ZDHHC14: variants seen among roughly 807,000 people sequenced by gnomAD.
ZDHHC14 encodes palmitoyltransferase ZDHHC14.
Under a neutral mutation model 47.7 loss-of-function variants are expected in ZDHHC14, and 16 were observed. The observed-to-expected ratio is 0.34, with a 90% CI of 0.23 to 0.51. The LOEUF is 0.51. Among genes scored for constraint, ZDHHC14 ranks in the 20% least tolerant of loss-of-function variants. The pLI is 0.97. For missense variants in ZDHHC14, 515 were observed against 662.5 expected (o/e 0.78, Z 2.44); for synonymous variants, 293 against 278.9 (o/e 1.05, Z -0.50).
intron 1 of ZDHHC14, among the ~76,000 whole-genome samples, chr6:157,477,068 G>A (rs935974534): frequency 6.6e-6 from 1 of 152,136 alleles, no homozygotes; most frequent in Non-Finnish European, 1.5e-5. Flanking sequence ...AGGTGAGAGA[G>A]AGAAATAACA....
Position 157,422,622 on chromosome 6 carries a change from A to G in ZDHHC14, c.245+40356A>G, listed in dbSNP as rs146758213. Among the ~76,000 whole-genome samples the G allele has an allele frequency of 4.4e-3, 671 of 151,796 alleles. 6 individuals carry two copies. The highest frequency in any genetic ancestry group is 0.015 in the African/African-American group (641 of 41,368). On this transcript the variant is annotated intron_variant, in intron 1 of 8. Transcript: ENST00000359775. ...GCACTTGCTATGTGGCAGACTCTACACTCTGTTTTCATTTAATGATTTTTA... is the reference window on the plus strand; with the variant it reads ...GCACTTGCTATGTGGCAGACTCTACGCTCTGTTTTCATTTAATGATTTTTA...
At chr6:157,494,998 C>T (rs1442282158) in intron 1 of ZDHHC14, among the ~76,000 whole-genome samples, 1 of 152,174 alleles carries the variant, frequency 6.6e-6, no homozygotes, top group African/African-American at 2.4e-5. Context: ...GGTATCTCAG[C>T]TTTTCTTGAC....
At chr6:157,563,357 G>A (rs1235534944) in intron 2 of ZDHHC14, among the ~76,000 whole-genome samples, 1 of 152,222 alleles carries the variant, frequency 6.6e-6, no homozygotes, top group Non-Finnish European at 1.5e-5. Context: ...GCCGGAGCAG[G>A]TCCGGGTGAT....
intron 2 of ZDHHC14, among the ~76,000 whole-genome samples, chr6:157,552,349 C>T (rs572049772): frequency 3.9e-5 from 6 of 151,992 alleles, no homozygotes; most frequent in East Asian, 1.9e-4. Context: ...GCAGGGCAGG[C>T]GGCACATTGG....
rs150227025 is a variant in ZDHHC14 at position 157,405,423 on chromosome 6, G to A, written c.245+23157G>A. On this transcript the variant is annotated intron_variant, in intron 1 of 8. Coordinates refer to ENST00000359775, the MANE Select transcript of ZDHHC14 (RefSeq NM_024630.3). ...AATTTTTTGTATTTTTAGTAGAGAC[G>A]GGGTTTCACTGTGTTGGCCAGGATG... Among the ~76,000 whole-genome samples, 168 of 152,184 alleles carry A rather than the reference G, an allele frequency of 1.1e-3. 2 individuals are homozygous for A. The highest frequency in any genetic ancestry group is 2.6e-3 in the African/African-American group (109 of 41,516).
intron 2 of ZDHHC14, among the ~76,000 whole-genome samples, chr6:157,584,148 G>A (rs1783608687): frequency 6.6e-6 from 1 of 151,532 alleles, no homozygotes; most frequent in Non-Finnish European, 1.5e-5. Flanking sequence ...TTGCCTCTAG[G>A]AGCTGCACCT....
intron 2 of ZDHHC14, among the ~76,000 whole-genome samples, chr6:157,544,449 A>T (rs1781888130): frequency 6.6e-6 from 1 of 152,126 alleles, no homozygotes; most frequent in Non-Finnish European, 1.5e-5. Context: ...GGAGTTTGAG[A>T]CCAGCCTGGC....
chr6:157,624,037 C>T (rs1300457876), intron 3 of ZDHHC14, among the ~76,000 whole-genome samples: 2 of 152,206 alleles, frequency 1.3e-5, no homozygotes, highest in African/African-American at 2.4e-5. Context: ...AATTTTTCCA[C>T]ACAGAAAGTA....
chr6:157,645,729 C>T lies in ZDHHC14; in HGVS notation c.753-8C>T, dbSNP rs770469599. On this transcript the variant is annotated splice_region_variant and splice_polypyrimidine_tract_variant and intron_variant, in intron 5 of 8. Transcript: ENST00000359775. ...CTCACTTCCGCTTGCCTCCTTGACT[C>T]GCATCACCGTCCTGGAGGCTGTGGT... is the stretch of plus-strand genomic sequence containing the variant. 16 of 1,612,382 alleles carry T rather than the reference C, an allele frequency of 9.9e-6. 1 individual carries two copies. The highest frequency in any genetic ancestry group is 3.3e-5 in the South Asian group (3 of 90,778).
intron 8 of ZDHHC14, 62 bp from the exon 9 acceptor site, chr6:157,672,647 CTGTCCCCATCCCTGT>C: frequency 1.1e-6 from 1 of 871,766 alleles, no homozygotes; most frequent in Non-Finnish European, 1.7e-6. Context: ...CGCCCGTGCC[CTGTCCCCATCCCTGT>C]CCCTCCCCAC....
intron 2 of ZDHHC14, among the ~76,000 whole-genome samples, chr6:157,590,451 G>C (rs1349147289): frequency 6.6e-6 from 1 of 152,208 alleles, no homozygotes; most frequent in African/African-American, 2.4e-5. Context: ...CCAAGGTTCA[G>C]CTCAGGCCAT....
At chr6:157,593,326 C>A (rs1468611823) in intron 3 of ZDHHC14, among the ~76,000 whole-genome samples, 180 bp downstream of exon 3, 2 of 149,960 alleles carry the variant, frequency 1.3e-5, no homozygotes, top group East Asian at 3.9e-4. Flanking sequence ...TCTCTTTACA[C>A]CCTGCACCGC....
intron 2 of ZDHHC14, among the ~76,000 whole-genome samples, chr6:157,561,570 AC>A (rs1374853669): frequency 6.6e-6 from 1 of 152,138 alleles, no homozygotes; most frequent in Non-Finnish European, 1.5e-5. Context: ...CAAAGCAGCC[AC>A]CCTCAGTTTA....
At chr6:157,655,597 A>C (rs1562532415) in intron 8 of ZDHHC14, among the ~76,000 whole-genome samples, 4 of 152,238 alleles carry the variant, frequency 2.6e-5, no homozygotes, top group Admixed American at 2.0e-4. Flanking sequence ...GTCTACACAC[A>C]ATAACCTCTC....
chr6:157,489,940 G>C (rs1779873084), intron 1 of ZDHHC14, among the ~76,000 whole-genome samples: 1 of 152,178 alleles, frequency 6.6e-6, no homozygotes, highest in African/African-American at 2.4e-5. Context: ...GGCAGAAGGA[G>C]ACAAGTTAGG....
At chr6:157,408,515 C>T (rs1367155633) in intron 1 of ZDHHC14, among the ~76,000 whole-genome samples, 2 of 152,184 alleles carry the variant, frequency 1.3e-5, no homozygotes, top group East Asian at 1.9e-4. Flanking sequence ...GTGTTTTCAT[C>T]GTTCAGCTCC....
At chr6:157,653,691 C>T (rs1777948469) in intron 8 of ZDHHC14, 64 bp downstream of exon 8, 2 of 1,521,030 alleles carry the variant, frequency 1.3e-6, no homozygotes, top group Admixed American at 1.7e-5. Flanking sequence ...CACTAACAGG[C>T]CACCAAGCAG....
At chr6:157,565,496 A>C (rs747822117) in intron 2 of ZDHHC14, among the ~76,000 whole-genome samples, 14 of 152,202 alleles carry the variant, frequency 9.2e-5, no homozygotes, top group Non-Finnish European at 1.9e-4. Context: ...TGAAGAGCCC[A>C]AACCAAAGCA....
intron 1 of ZDHHC14, among the ~76,000 whole-genome samples, chr6:157,483,775 A>G (rs1270179155): frequency 2.0e-5 from 3 of 152,172 alleles, no homozygotes; most frequent in South Asian, 2.1e-4. Flanking sequence ...CGCTTGCTAC[A>G]TGAGGAAGCC....
Sources: gnomAD v4.1 joint callset for allele counts (sites outside exome capture counted in the v4.1 genomes callset) on GRCh38, gnomAD v4.1.1 for gene constraint, MANE v1.5 for transcripts, NCBI Gene and HGNC (gene_info 2026-07-23, HGNC 2026-07-21) for gene names.